The following RARB variants were observed in gnomAD, a reference collection of about 807,000 sequenced individuals.
The protein encoded by RARB is HBV-activated protein.
In RARB, 17 loss-of-function variants were observed where a neutral mutation model predicts 51.9. The ratio of observed to expected loss-of-function variants is 0.33; its 90% confidence interval spans 0.22 to 0.49. The LOEUF is 0.49. Among genes scored for constraint, RARB ranks in the 20% least tolerant of loss-of-function variants. The pLI, the probability that RARB is intolerant of heterozygous loss-of-function variation, is 0.99. For synonymous variants in RARB, 215 were observed against 195.4 expected, an observed-to-expected ratio of 1.10 and a Z score of -0.84; for missense variants, 369 against 550.8, an observed-to-expected ratio of 0.67 and a Z score of 3.30.
intron 2 of RARB, among the ~76,000 whole-genome samples, chr3:24,968,706 C>T (rs1332766168): frequency 6.6e-6 from 1 of 152,086 alleles, no homozygotes; most frequent in Non-Finnish European, 1.5e-5. Flanking sequence ...GTTCTAAAGA[C>T]AGGAAGACAG....
chr3:25,130,947 T>TGATAATATCAA (rs1559477575), intron 3 of RARB, among the ~76,000 whole-genome samples: 1 of 43,006 alleles, frequency 2.3e-5, no homozygotes, highest in African/African-American at 7.7e-5. Context: ...ATATCAATAT[T>TGATAATATCAA]TATTATTGAT....
chr3:25,173,457 T>G (rs1263150102), intron 4 of RARB, among the ~76,000 whole-genome samples: 1 of 152,114 alleles, frequency 6.6e-6, no homozygotes, highest in African/African-American at 2.4e-5. Context: ...TGCACAGTTG[T>G]GAAAGATGTT....
intron 5 of RARB, among the ~76,000 whole-genome samples, chr3:25,359,746 C>T (rs1705869266): frequency 6.6e-6 from 1 of 152,134 alleles, no homozygotes; most frequent in Non-Finnish European, 1.5e-5. Context: ...AGTAGTCATT[C>T]AGGAGCAGGT....
rs34870919 is a variant in RARB, at chr3:25,468,372, C to CTTTTT, written c.306+7051_306+7055dup. On this transcript the variant is annotated intron_variant, in intron 2 of 7. Transcript: ENST00000330688. ...GCCTTCTGTACACTAGGCATTTGGG[C>CTTTTT]TTTTTTTTTTTTTTTTTTTTTTTTA... 9.5e-4 allele frequency among the ~76,000 whole-genome samples: 78 copies of CTTTTT among 81,694 alleles called. 1 individual carries two copies. The highest frequency in any genetic ancestry group is 7.3e-3 in the South Asian group (14 of 1,910). 53.6% of individuals were successfully genotyped at this position (81,694 alleles called of 152,430 possible). A position where few individuals can be genotyped will look rare whatever the true frequency, so the allele number is the denominator to read the frequency against.
chr3:24,954,417 G>A (rs1695965104), intron 2 of RARB, among the ~76,000 whole-genome samples: 1 of 152,188 alleles, frequency 6.6e-6, no homozygotes, highest in African/African-American at 2.4e-5. Context: ...AGCAGCAGCT[G>A]AGTCCTACAT....
At chr3:25,183,650 G>A (rs1024140755) in intron 5 of RARB, among the ~76,000 whole-genome samples, 20 of 152,108 alleles carry the variant, frequency 1.3e-4, no homozygotes, top group African/African-American at 1.7e-4. Context: ...CTTGAACATC[G>A]CCTTATTGGC....
intron 5 of RARB, among the ~76,000 whole-genome samples, chr3:25,411,134 A>C (rs1707551191): frequency 6.6e-6 from 1 of 152,194 alleles, no homozygotes; most frequent in South Asian, 2.1e-4. Flanking sequence ...AATCAGCATA[A>C]CATCTTAATA....
At chr3:24,870,508 T>G (rs940858193) in intron 2 of RARB, among the ~76,000 whole-genome samples, 1 of 152,174 alleles carries the variant, frequency 6.6e-6, no homozygotes, top group African/African-American at 2.4e-5. Flanking sequence ...CTGCTTTGTT[T>G]AATATTTCTT....
intron 2 of RARB, among the ~76,000 whole-genome samples, chr3:24,995,673 A>C (rs1230046013): frequency 6.6e-6 from 1 of 152,064 alleles, no homozygotes; most frequent in Non-Finnish European, 1.5e-5. Context: ...AGTTTCTATC[A>C]TGAAGGGATG....
At chr3:25,087,228 T>G (rs1006541010) in intron 3 of RARB, among the ~76,000 whole-genome samples, 4 of 152,162 alleles carry the variant, frequency 2.6e-5, no homozygotes, top group African/African-American at 9.7e-5. Context: ...GACCACCTAT[T>G]CCTTTCATGG....
chr3:24,999,257 C>T (rs1697108013), intron 2 of RARB, among the ~76,000 whole-genome samples: 2 of 152,122 alleles, frequency 1.3e-5, no homozygotes, highest in Non-Finnish European at 2.9e-5. Context: ...TAGTACACAG[C>T]TAGCCATGTT....
intron 5 of RARB, among the ~76,000 whole-genome samples, chr3:25,241,597 A>G (rs1277108223): frequency 6.6e-6 from 1 of 152,200 alleles, no homozygotes; most frequent in Non-Finnish European, 1.5e-5. Context: ...TAGTTTGCTG[A>G]GAATGATGGC....
At chr3:25,255,317 A>T (rs1248475789) in intron 5 of RARB, among the ~76,000 whole-genome samples, 1 of 152,178 alleles carries the variant, frequency 6.6e-6, no homozygotes, top group Non-Finnish European at 1.5e-5. Flanking sequence ...ACTAGCGGTA[A>T]GTGATCACAG....
At chr3:24,861,541 T>C (rs966119114) in intron 2 of RARB, among the ~76,000 whole-genome samples, 7 of 151,554 alleles carry the variant, frequency 4.6e-5, no homozygotes, top group African/African-American at 1.7e-4. Flanking sequence ...GAGAATGATT[T>C]ACTGATTTAT....
chr3:24,840,494 A>C (rs1389442411), intron 1 of RARB, among the ~76,000 whole-genome samples: 2 of 152,118 alleles, frequency 1.3e-5, no homozygotes, highest in Non-Finnish European at 2.9e-5. Context: ...CTTGATGCCT[A>C]AGGACCTGAT....
At chr3:25,019,849 G>A (rs368321887) in intron 2 of RARB, among the ~76,000 whole-genome samples, 2 of 152,078 alleles carry the variant, frequency 1.3e-5, no homozygotes, top group Admixed American at 1.3e-4. Flanking sequence ...AGTTCTGTGA[G>A]GTCTTCCATG....
intron 5 of RARB, among the ~76,000 whole-genome samples, chr3:25,261,593 C>T (rs1702999145): frequency 6.6e-6 from 1 of 152,088 alleles, no homozygotes; most frequent in Non-Finnish European, 1.5e-5. Context: ...TTCAGGCTTC[C>T]ACTAATTCAG....
chr3:25,383,193 T>C (rs1412396284), intron 5 of RARB, among the ~76,000 whole-genome samples: 2 of 152,138 alleles, frequency 1.3e-5, no homozygotes, highest in Non-Finnish European at 2.9e-5. Context: ...TCGGAGAGAT[T>C]GTAGGGGTGA....
chr3:25,351,681 A>G (rs2125457620), intron 5 of RARB, among the ~76,000 whole-genome samples: 1 of 152,170 alleles, frequency 6.6e-6, no homozygotes, highest in South Asian at 2.1e-4. Context: ...CATTTTAAAT[A>G]TTTCTGTTGG....
Sources: allele counts gnomAD v4.1 joint callset (sites outside exome capture counted in the v4.1 genomes callset), GRCh38; gene constraint gnomAD v4.1.1; transcripts MANE v1.5; gene names NCBI Gene and HGNC (gene_info 2026-07-23, HGNC 2026-07-21).